Variants in ZNF699 observed in about 807,000 individuals in gnomAD.
ZNF699 encodes zinc finger protein 699.
A neutral mutation model predicts 22.5 loss-of-function variants in ZNF699; 18 were observed. The observed-to-expected ratio is 0.80, with a 90% CI of 0.55 to 1.19. ZNF699 has a LOEUF of 1.19. ZNF699 is among the 50% of genes most tolerant of loss of function. The pLI is 0.00. For synonymous variants in ZNF699, 241 were observed against 262.3 expected (o/e 0.92, Z 0.78); for missense variants, 670 against 763.4 (o/e 0.88, Z 1.44).
In ZNF699 at chr19:9,296,606, A is replaced by G. The variant is rs764588273; in HGVS notation, c.798T>C (p.Phe266=). 12 of 1,614,180 alleles carry G rather than the reference A, an allele frequency of 7.4e-6. No individual in the cohort carries two copies. Among genetic ancestry groups the G allele is most frequent in the Non-Finnish European group, 8.5e-6 (10 of 1,180,020 alleles). The change falls in exon 6 of 6, where the codon TTT becomes TTC. Residue 266 remains phenylalanine, a synonymous_variant. Coordinates refer to ENST00000591998, the MANE Select transcript of ZNF699 (RefSeq NM_198535.3). ...CTKAFSCSSF[F]RAHMKIHIGK... is the part of the protein sequence containing the mutation. ...CGATGTGAATCTTCATATGTGCCCTAAAGAATGAGGAACAGCTGAAGGCTT... is the reference window on the plus strand; with the variant it reads ...CGATGTGAATCTTCATATGTGCCCTGAAGAATGAGGAACAGCTGAAGGCTT...
rs2066340811 is a variant in ZNF699 at position 9,309,736 on chromosome 19, A to AGGGCG, written c.-397_-393dup. The AGGGCG allele has an allele frequency of 6.6e-6, 1 of 152,610 alleles. No individual in the cohort carries two copies. Among genetic ancestry groups the AGGGCG allele is most frequent in the South Asian group, 2.1e-4 (1 of 4,856 alleles). The allele number at this position is 152,610 out of a possible 1,614,324, so 9.5% of individuals were successfully genotyped here. On this transcript the variant is annotated 5_prime_UTR_variant, in exon 1 of 6. Coordinates refer to ENST00000591998, the MANE Select transcript of ZNF699 (RefSeq NM_198535.3). The stretch of plus-strand genomic sequence containing the variant: ...CCCGCGGACCCGACCCGGGGCAGGC[A>AGGGCG]GGGCGGGGCGGGGCAGGGCAGGACA...
rs1266649058 is a variant in ZNF699, at chr19:9,295,777, G to A, written c.1627C>T (p.Pro543Ser). ...CKKCGKAFIYPSALRIHMRTH... is the reference protein window; with the variant it reads ...CKKCGKAFIYSSALRIHMRTH... ...CTCATGTGGATCCTAAGGGCTGAGG[G>A]ATAAATAAAGGCTTTCCCACATTTC... Residue 543 changes from proline (P) to serine (S), a missense_variant, in exon 6 of 6, where the codon CCC becomes TCC. Pro to Ser is a moderately conservative substitution (Grantham distance 74, BLOSUM62 -1). Coordinates refer to ENST00000591998, the MANE Select transcript of ZNF699 (RefSeq NM_198535.3). 1 of 1,613,708 alleles carries A rather than the reference G, an allele frequency of 6.2e-7. No homozygotes were observed. The highest frequency in any genetic ancestry group is 1.3e-5 in the African/African-American group (1 of 74,810).
chr19:9,308,568 C>T (rs1418468575), intron 1 of ZNF699, among the ~76,000 whole-genome samples: 1 of 151,960 alleles, frequency 6.6e-6, no homozygotes, highest in African/African-American at 2.4e-5. Context: ...CTTTGGGAGG[C>T]GGAGAGCCCA....
At position 9,300,818 on chromosome 19, in the gene ZNF699, C is replaced by G. The variant is rs558701379; in HGVS notation, c.175+1560G>C. Among the ~76,000 whole-genome samples, 94 of 152,296 alleles carry G rather than the reference C, an allele frequency of 6.2e-4. No individual in the cohort carries two copies. In the South Asian group the frequency reaches 9.9e-3, roughly 16 times the overall value. ...AGGAGGGATGAATTGATAGAGCACA[C>G]AGGATTTTTACAGCAGTGAAACTAT... On this transcript the variant is annotated intron_variant, in intron 3 of 5. Transcript: ENST00000591998.
chr19:9,295,886 T>C lies in ZNF699; in HGVS notation c.1518A>G (p.Lys506=), dbSNP rs769618600. Residue 506 remains lysine, a synonymous_variant, in exon 6 of 6, where the codon AAA becomes AAG. Transcript: ENST00000591998. ...AACTAATAAAGGCTTTCCCACATTC[T>C]TTACATTCATACGGCTTCTCTCCGC... ...THSGEKPYEC[K]ECGKAFISSS... 9.5e-5 allele frequency: 153 copies of C among 1,613,810 alleles called. No individual in the cohort carries two copies. The highest frequency in any genetic ancestry group is 1.3e-4 in the Non-Finnish European group (150 of 1,179,968).
Sources: allele counts gnomAD v4.1 joint callset (sites outside exome capture counted in the v4.1 genomes callset), GRCh38; gene constraint gnomAD v4.1.1; transcripts MANE v1.5; gene names NCBI Gene and HGNC (gene_info 2026-07-23, HGNC 2026-07-21).